The following AFF3 variants were observed in gnomAD, a reference collection of about 807,000 sequenced individuals.
AFF3 encodes the protein ALF transcription elongation factor 3.
A neutral mutation model predicts 129.7 loss-of-function variants in AFF3; 32 were observed. That is an observed-to-expected ratio of 0.25 (90% CI 0.19 to 0.33). AFF3 has a LOEUF of 0.33. Among genes scored for constraint, AFF3 ranks in the 10% least tolerant of loss-of-function variants. The probability of loss-of-function intolerance (pLI) is 1.00; values close to 1 mark genes in which losing one functional copy is unlikely to be tolerated. For synonymous variants in AFF3, 644 were observed against 635.4 expected (o/e 1.01, Z -0.20); for missense variants, 1,373 against 1,592.0 (o/e 0.86, Z 2.34).
intron 7 of AFF3, among the ~76,000 whole-genome samples, chr2:99,890,164 G>A (rs2106074275): frequency 6.6e-6 from 1 of 152,280 alleles, no homozygotes; most frequent in Admixed American, 6.5e-5. Flanking sequence ...GAGTGGTAAT[G>A]GGACACCAGC....
At chr2:99,981,554 G>T (rs1387276632) in intron 7 of AFF3, among the ~76,000 whole-genome samples, 1 of 152,106 alleles carries the variant, frequency 6.6e-6, no homozygotes, top group Non-Finnish European at 1.5e-5. Flanking sequence ...TTCAAGTTTT[G>T]CCAGTTTGCT....
intron 7 of AFF3, among the ~76,000 whole-genome samples, chr2:99,942,397 A>T (rs2106346739): frequency 6.6e-6 from 1 of 152,164 alleles, no homozygotes; most frequent in African/African-American, 2.4e-5. Context: ...AATAATAAAG[A>T]AGAAAATGAA....
intron 11 of AFF3, among the ~76,000 whole-genome samples, chr2:99,704,269 T>C (rs1309778395): frequency 3.3e-5 from 5 of 152,230 alleles, no homozygotes; most frequent in African/African-American, 1.2e-4. Context: ...ATTTTCTTTC[T>C]GGTGGAGAAG....
At chr2:99,848,797 C>T (rs778133259) in intron 7 of AFF3, among the ~76,000 whole-genome samples, 2 of 152,150 alleles carry the variant, frequency 1.3e-5, no homozygotes, top group Non-Finnish European at 2.9e-5. Context: ...AGTTATCTCT[C>T]GAATCTCCTC....
rs1356904830 is a variant in AFF3, at chr2:100,007,439, A to T, written c.196T>A (p.Ser66Thr). The change falls in exon 6 of 25, where the codon TCC becomes ACC. Residue 66 changes from serine (S) to threonine (T), a missense_variant. Physicochemically the swap from Ser to Thr is moderately conservative, Grantham distance 58. Coordinates refer to ENST00000672756, the MANE Select transcript of AFF3 (RefSeq NM_001386135.1). ...CCTAAAGTGTTCTGGATCCGGTTGGAGAGTTCATCCCCCTTGTTAGTCTGG... is the reference window on the plus strand; with the variant it reads ...CCTAAAGTGTTCTGGATCCGGTTGGTGAGTTCATCCCCCTTGTTAGTCTGG... ...PYKTNKGDEL[S>T]NRIQNTLGNY... The T allele has an allele frequency of 1.9e-6, 3 of 1,613,800 alleles. No homozygotes were observed. The South Asian group carries it at 3.3e-5, about 18-fold the overall frequency.
intron 15 of AFF3, among the ~76,000 whole-genome samples, chr2:99,589,807 C>T (rs779598700): frequency 8.5e-5 from 13 of 152,202 alleles, no homozygotes; most frequent in South Asian, 2.1e-4. Flanking sequence ...CTGGGTCTAG[C>T]GCAAAATGAA....
At chr2:99,577,002 T>C (rs1271235617) in intron 18 of AFF3, among the ~76,000 whole-genome samples, 1 of 151,902 alleles carries the variant, frequency 6.6e-6, no homozygotes, top group Non-Finnish European at 1.5e-5. Flanking sequence ...GCCAGGAGTG[T>C]GTGTGGGGTG....
intron 12 of AFF3, among the ~76,000 whole-genome samples, chr2:99,665,359 T>C (rs1409687187): frequency 6.6e-6 from 1 of 152,220 alleles, no homozygotes; most frequent in Non-Finnish European, 1.5e-5. Flanking sequence ...GACCAATATT[T>C]AATTTTGGAG....
rs140820940 is a variant in AFF3, at chr2:99,781,072, T to G, written c.922-28771A>C. On this transcript the variant is annotated intron_variant, in intron 8 of 24. Transcript: ENST00000672756. The stretch of plus-strand genomic sequence containing the variant: ...CCTGGTTCCCTCCATGACTCAGTAC[T>G]CATCATTCTCCCCTTACTTACTCTA... Among the ~76,000 whole-genome samples the G allele has an allele frequency of 1.1e-4, 17 of 152,328 alleles. No individual in the cohort carries two copies. In the East Asian group the frequency reaches 2.9e-3, roughly 26 times the overall value.
At chr2:100,137,533 G>T (rs950441926) in intron 1 of AFF3, among the ~76,000 whole-genome samples, 1 of 126,936 alleles carries the variant, frequency 7.9e-6, no homozygotes, top group Admixed American at 7.5e-5. Context: ...GTGCACACGT[G>T]CATACACACA....
At position 99,873,835 on chromosome 2, in the gene AFF3, C is replaced by T. The variant is rs1692061439; in HGVS notation, c.874-36311G>A. ...ATTTTCCTGAGATTGTTAGAGACAC[C>T]AACAGGTCAGAGACTCTTTCAAATG... On this transcript the variant is annotated intron_variant, in intron 7 of 24. Transcript: ENST00000672756. 2.0e-5 allele frequency among the ~76,000 whole-genome samples: 3 copies of T among 151,606 alleles called. No individual in the cohort carries two copies. The South Asian group carries it at 6.3e-4, about 32-fold the overall frequency.
At chr2:99,688,588 CA>C (rs1675299190) in intron 11 of AFF3, among the ~76,000 whole-genome samples, 1 of 152,190 alleles carries the variant, frequency 6.6e-6, no homozygotes, top group Admixed American at 6.5e-5. Context: ...TGTTCTTGTG[CA>C]GCTTCTCTGA....
chr2:99,717,695 C>G (rs1474688395), intron 11 of AFF3, among the ~76,000 whole-genome samples: 4 of 152,154 alleles, frequency 2.6e-5, no homozygotes, highest in African/African-American at 9.7e-5. Flanking sequence ...GAGCAGTTAT[C>G]TTTAAATTTT....
At chr2:99,599,345 G>A (rs1303824643) in intron 14 of AFF3, among the ~76,000 whole-genome samples, 3 of 152,120 alleles carry the variant, frequency 2.0e-5, no homozygotes, top group Non-Finnish European at 4.4e-5. Context: ...TGCAACCTCC[G>A]CCTCCAGGGT....
intron 7 of AFF3, among the ~76,000 whole-genome samples, chr2:99,968,155 C>T (rs1054188370): frequency 6.6e-6 from 1 of 152,190 alleles, no homozygotes; most frequent in Non-Finnish European, 1.5e-5. Flanking sequence ...TCCCAGCTCC[C>T]CTCAGTAAGA....
In AFF3 at chr2:99,648,917, A is replaced by ACACACACACACACACTCT; in HGVS notation, c.1184+708_1184+709insAGAGTGTGTGTGTGTGTG. Among the ~76,000 whole-genome samples, 150 of 46,894 alleles carry ACACACACACACACACTCT rather than the reference A, an allele frequency of 3.2e-3. 2 individuals are homozygous for ACACACACACACACACTCT. The highest frequency in any genetic ancestry group is 7.9e-3 in the African/African-American group (122 of 15,512). The allele number at this position is 46,894 out of a possible 152,430, so 30.8% of individuals were successfully genotyped here. ...CACACACACACACACACACACACAC[A>ACACACACACACACACTCT]CTCTCTCTCTCTCTCTCTCTCCAAT... On this transcript the variant is annotated intron_variant, in intron 13 of 24. Coordinates refer to ENST00000672756, the MANE Select transcript of AFF3 (RefSeq NM_001386135.1).
chr2:99,582,837 C>T lies in AFF3; in HGVS notation c.2754G>A (p.Lys918=), dbSNP rs1033152202. 16 of 1,614,164 alleles carry T rather than the reference C, an allele frequency of 9.9e-6. No homozygotes were observed. Among genetic ancestry groups the T allele is most frequent in the Non-Finnish European group, 1.4e-5 (16 of 1,180,038 alleles). The part of the protein sequence containing the change: ...FTSASSSKKP[K]ADSQLQPHGG... ...CGTGAGGCTGCAGCTGGCTGTCGGCCTTAGGCTTTTTGCTGGAAGAGGCTG... is the reference window on the plus strand; with the variant it reads ...CGTGAGGCTGCAGCTGGCTGTCGGCTTTAGGCTTTTTGCTGGAAGAGGCTG... Residue 918 remains lysine (K), a synonymous_variant, in exon 17 of 25, where the codon AAG becomes AAA. Coordinates refer to ENST00000672756, the MANE Select transcript of AFF3 (RefSeq NM_001386135.1).
At chr2:99,991,865 T>C (rs1199997072) in intron 7 of AFF3, among the ~76,000 whole-genome samples, 1 of 151,120 alleles carries the variant, frequency 6.6e-6, no homozygotes, top group Non-Finnish European at 1.5e-5. Context: ...ATTGCGACAC[T>C]GCACTACAGC....
chr2:100,051,909 G>A (rs1686367850), intron 4 of AFF3, among the ~76,000 whole-genome samples: 1 of 152,164 alleles, frequency 6.6e-6, no homozygotes, highest in Non-Finnish European at 1.5e-5. Context: ...ACATTATTTG[G>A]TTTACCTAAG....
Sources: allele counts gnomAD v4.1 joint callset (sites outside exome capture counted in the v4.1 genomes callset), GRCh38; gene constraint gnomAD v4.1.1; transcripts MANE v1.5; gene names NCBI Gene and HGNC (gene_info 2026-07-23, HGNC 2026-07-21).